NRXN3: variants seen among roughly 807,000 people sequenced by gnomAD.
NRXN3 encodes neurexin 3, also known as neurexin III.
NRXN3 carries 32 observed loss-of-function variants against 137.6 expected under a neutral mutation model. The ratio of observed to expected loss-of-function variants is 0.23; its 90% CI spans 0.18 to 0.31. The LOEUF is 0.31. Ranked by LOEUF, NRXN3 falls within the 10% of genes least tolerant of loss-of-function variation. NRXN3 has a pLI of 1.00. For missense variants in NRXN3, 1,574 were observed against 2,062.5 expected, an observed-to-expected ratio of 0.76 and a Z score of 4.59; for synonymous variants, 798 against 784.5, an observed-to-expected ratio of 1.02 and a Z score of -0.29.
intron 15 of NRXN3, among the ~76,000 whole-genome samples, chr14:79,252,155 G>A (rs560819696): frequency 1.8e-4 from 28 of 152,160 alleles, no homozygotes; most frequent in African/African-American, 5.5e-4. Flanking sequence ...TGTACATTCC[G>A]ACGGGTTAAT....
chr14:78,962,553 T>TA (rs536074796), intron 11 of NRXN3, among the ~76,000 whole-genome samples: 39 of 150,206 alleles, frequency 2.6e-4, no homozygotes, highest in East Asian at 7.8e-4. Flanking sequence ...ACACATAGAT[T>TA]AAAAAAAAAA....
chr14:79,690,388 C>T (rs537720101), intron 17 of NRXN3, among the ~76,000 whole-genome samples: 1 of 152,192 alleles, frequency 6.6e-6, no homozygotes, highest in African/African-American at 2.4e-5. Context: ...ACTTGCCTGT[C>T]TCTTTTTCCT....
chr14:78,764,840 C>T (rs533623725), intron 8 of NRXN3, among the ~76,000 whole-genome samples: 5 of 152,250 alleles, frequency 3.3e-5, no homozygotes, highest in African/African-American at 1.2e-4. Context: ...GAGCCACCGT[C>T]CAAGGCTCCC....
intron 16 of NRXN3, among the ~76,000 whole-genome samples, chr14:79,637,675 T>A (rs1054486881): frequency 2.4e-4 from 36 of 151,684 alleles, no homozygotes; most frequent in African/African-American, 8.2e-4. Context: ...TTATAAAGGT[T>A]ATTTTGTTGT....
rs2095405470 is a variant in NRXN3 at position 79,410,723 on chromosome 14, G to A, written c.3263-56498G>A. Among the ~76,000 whole-genome samples, 4 of 152,050 alleles carry A rather than the reference G, an allele frequency of 2.6e-5. No homozygotes were observed. In the South Asian group the frequency reaches 8.3e-4, roughly 32 times the overall value. ...GTTTATTCATTGCCGATTAGAAGGG[G>A]CACACTGTTCAAGATGCTCATTAAT... On this transcript the variant is annotated intron_variant, in intron 15 of 20. Transcript: ENST00000335750.
At chr14:78,901,045 T>C (rs2099194373) in intron 10 of NRXN3, among the ~76,000 whole-genome samples, 1 of 151,958 alleles carries the variant, frequency 6.6e-6, no homozygotes, top group Non-Finnish European at 1.5e-5. Flanking sequence ...AGAAATAATA[T>C]TCCATCCCTT....
At chr14:79,525,554 C>T (rs2153709251) in intron 16 of NRXN3, among the ~76,000 whole-genome samples, 1 of 152,262 alleles carries the variant, frequency 6.6e-6, no homozygotes, top group African/African-American at 2.4e-5. Context: ...ACAACTATTC[C>T]CCACAAATGA....
In NRXN3 at chr14:79,043,656, G is replaced by A. The variant is rs543344359; in HGVS notation, c.3262+55515G>A. Among the ~76,000 whole-genome samples, 681 of 152,258 alleles carry A rather than the reference G, an allele frequency of 4.5e-3. 9 individuals are homozygous for A. Among genetic ancestry groups the A allele is most frequent in the Non-Finnish European group, 7.2e-3 (489 of 68,012 alleles). On this transcript the variant is annotated intron_variant, in intron 15 of 20. Transcript: ENST00000335750. ...ACAGCTCCTGCTGTACAGGTCTTGG[G>A]TAGGCTGCCATCCTCTAGGTGGTGG...
chr14:78,333,970 T>C (rs2081151744), intron 4 of NRXN3, among the ~76,000 whole-genome samples: 1 of 151,950 alleles, frequency 6.6e-6, no homozygotes, highest in Non-Finnish European at 1.5e-5. Context: ...TATTCCAGTT[T>C]TGTTTGGAAG....
Position 79,768,101 on chromosome 14 carries a change from T to A in NRXN3, c.4015-37011T>A, listed in dbSNP as rs2371103. 4.3e-4 allele frequency among the ~76,000 whole-genome samples: 65 copies of A among 152,096 alleles called. 1 individual carries two copies. The South Asian group carries it at 9.1e-3, about 21-fold the overall frequency. On this transcript the variant is annotated intron_variant, in intron 19 of 20. Coordinates refer to ENST00000335750, the MANE Select transcript of NRXN3 (RefSeq NM_001330195.2). ...ATGGCGCACCAGGAGATTATATCCC[T>A]CACCTGGCTCGGAGGGTCCTACGCC...
intron 10 of NRXN3, among the ~76,000 whole-genome samples, chr14:78,911,688 T>A (rs2099238181): frequency 6.6e-6 from 1 of 152,160 alleles, no homozygotes; most frequent in Non-Finnish European, 1.5e-5. Flanking sequence ...ATGTTCACAT[T>A]TCACCTTGCT....
chr14:79,603,276 C>G (rs578091014), intron 16 of NRXN3, among the ~76,000 whole-genome samples: 1 of 152,314 alleles, frequency 6.6e-6, no homozygotes, highest in East Asian at 1.9e-4. Context: ...AAGTACGTGC[C>G]CACACAATCT....
At chr14:79,445,070 G>A (rs2096037229) in intron 15 of NRXN3, among the ~76,000 whole-genome samples, 1 of 152,134 alleles carries the variant, frequency 6.6e-6, no homozygotes, top group Non-Finnish European at 1.5e-5. Flanking sequence ...AGCTGGCAGT[G>A]GTGGCTCATG....
intron 16 of NRXN3, among the ~76,000 whole-genome samples, chr14:79,530,764 A>G (rs2097162998): frequency 6.6e-6 from 1 of 152,112 alleles, no homozygotes; most frequent in Non-Finnish European, 1.5e-5. Flanking sequence ...CAGTTTTAAT[A>G]CCTGTAAACA....
chr14:78,872,184 C>A (rs1408645923), intron 10 of NRXN3, among the ~76,000 whole-genome samples: 1 of 149,962 alleles, frequency 6.7e-6, no homozygotes, highest in African/African-American at 2.4e-5. Flanking sequence ...TAAATATCCT[C>A]AATTTTATCT....
At chr14:78,917,890 C>G (rs1440748579) in intron 10 of NRXN3, among the ~76,000 whole-genome samples, 1 of 149,744 alleles carries the variant, frequency 6.7e-6, no homozygotes, top group Admixed American at 6.7e-5. Flanking sequence ...CAAAGTCAAT[C>G]TAGGAGTAAT....
At chr14:78,351,968 T>A (rs1251445900) in intron 4 of NRXN3, among the ~76,000 whole-genome samples, 1 of 151,956 alleles carries the variant, frequency 6.6e-6, no homozygotes, top group Non-Finnish European at 1.5e-5. Context: ...GCACCTGTAG[T>A]CCTAGCTATT....
At chr14:78,832,266 T>G (rs1291682394) in intron 10 of NRXN3, among the ~76,000 whole-genome samples, 1 of 152,168 alleles carries the variant, frequency 6.6e-6, no homozygotes, top group Admixed American at 6.6e-5. Flanking sequence ...CCTAAGATGT[T>G]GATACAATCA....
chr14:78,426,210 G>A (rs2093659025), intron 4 of NRXN3, among the ~76,000 whole-genome samples: 1 of 152,212 alleles, frequency 6.6e-6, no homozygotes, highest in African/African-American at 2.4e-5. Flanking sequence ...AGGGGACTTA[G>A]GAGAGGGTAT....
Sources: allele counts gnomAD v4.1 joint callset (sites outside exome capture counted in the v4.1 genomes callset), GRCh38; gene constraint gnomAD v4.1.1; transcripts MANE v1.5; gene names NCBI Gene and HGNC (gene_info 2026-07-23, HGNC 2026-07-21).